Variants in BTBD9 observed in about 807,000 individuals in gnomAD.
The protein encoded by BTBD9 is BTB domain containing 9, also known as BTB/POZ domain-containing protein 9.
A neutral mutation model predicts 64.3 loss-of-function variants in BTBD9; 49 were observed. The ratio of observed to expected loss-of-function variants is 0.76; its 90% confidence interval spans 0.61 to 0.97. The LOEUF (loss-of-function observed/expected upper bound fraction) is 0.97, where lower values mean the gene tolerates loss of function less well. BTBD9 is among the 50% of genes least tolerant of loss of function. The probability of loss-of-function intolerance (pLI) is 0.00; values close to 1 mark genes in which losing one functional copy is unlikely to be tolerated. For synonymous variants in BTBD9, 260 were observed against 274.7 expected (o/e 0.95, Z 0.53); for missense variants, 598 against 762.1 (o/e 0.78, Z 2.53).
chr6:38,551,233 G>A (rs574324104), intron 6 of BTBD9, among the ~76,000 whole-genome samples: 12 of 152,252 alleles, frequency 7.9e-5, no homozygotes, highest in African/African-American at 2.4e-4. Context: ...ACAATACTCA[G>A]GTTATTCAGA....
intron 6 of BTBD9, among the ~76,000 whole-genome samples, chr6:38,361,639 G>A (rs962494389): frequency 6.6e-6 from 1 of 152,002 alleles, no homozygotes; most frequent in Admixed American, 6.6e-5. Flanking sequence ...TCAGGAGTTC[G>A]AGACCAGCCT....
At chr6:38,610,976 A>G (rs1404150226) in intron 1 of BTBD9, among the ~76,000 whole-genome samples, 1 of 152,112 alleles carries the variant, frequency 6.6e-6, no homozygotes, top group East Asian at 1.9e-4. Context: ...CAGTGCATCT[A>G]TACAATATAG....
rs551635619 is a variant in BTBD9, at chr6:38,346,500, C to T, written c.1155-1407G>A. On this transcript the variant is annotated intron_variant, in intron 6 of 10. Coordinates refer to ENST00000481247, the MANE Select transcript of BTBD9 (RefSeq NM_001099272.2). The stretch of plus-strand genomic sequence containing the variant: ...TACTGCAAGGAGACACCACTCTTCC[C>T]GTGTTGAGAATCAGGGCAACTGCTA... 1.0e-3 allele frequency among the ~76,000 whole-genome samples: 158 copies of T among 152,046 alleles called. 1 individual carries two copies. The highest frequency in any genetic ancestry group is 3.6e-3 in the African/African-American group (151 of 41,456).
Position 38,407,964 on chromosome 6 carries a change from TA to T in BTBD9, c.1155-62872del, listed in dbSNP as rs1474718895. Among the ~76,000 whole-genome samples the T allele has an allele frequency of 6.6e-5, 10 of 152,326 alleles. No homozygotes were observed. The East Asian group carries it at 1.7e-3, about 26-fold the overall frequency. ...GCTGTTTTTGCTTTCTTTTTGGAGA[TA>T]ATTTATTTTTCCTAAAAAAGGAATC... On this transcript the variant is annotated intron_variant, in intron 6 of 10. Coordinates refer to ENST00000481247, the MANE Select transcript of BTBD9 (RefSeq NM_001099272.2).
chr6:38,596,444 G>C (rs1777032595), intron 2 of BTBD9, among the ~76,000 whole-genome samples: 2 of 152,132 alleles, frequency 1.3e-5, no homozygotes, highest in Non-Finnish European at 2.9e-5. Context: ...ATTTTTGAAA[G>C]AGGACAAGGT....
intron 6 of BTBD9, among the ~76,000 whole-genome samples, chr6:38,427,824 C>T (rs147256561): frequency 1.3e-5 from 2 of 151,980 alleles, no homozygotes; most frequent in East Asian, 3.9e-4. Flanking sequence ...AGCACAATAA[C>T]GATGAGGTAT....
intron 10 of BTBD9, 69 bp from the exon 11 acceptor site, chr6:38,175,251 G>T: frequency 2.6e-6 from 4 of 1,535,584 alleles, no homozygotes; most frequent in Non-Finnish European, 3.6e-6. Context: ...GCCGCAAGTT[G>T]GGATACTGCC....
intron 8 of BTBD9, among the ~76,000 whole-genome samples, chr6:38,264,370 A>G (rs534126271): frequency 1.3e-5 from 2 of 152,202 alleles, no homozygotes; most frequent in African/African-American, 4.8e-5. Flanking sequence ...ACTGGAGGTC[A>G]TGATGCAAAG....
intron 1 of BTBD9, among the ~76,000 whole-genome samples, chr6:38,638,112 A>G (rs979160786): frequency 6.6e-6 from 1 of 152,170 alleles, no homozygotes; most frequent in Non-Finnish European, 1.5e-5. Context: ...ACAAATTTTA[A>G]CTTCTTTCAG....
At chr6:38,344,743 T>A (rs1296398128) in intron 7 of BTBD9, among the ~76,000 whole-genome samples, 4 of 152,242 alleles carry the variant, frequency 2.6e-5, no homozygotes, top group Non-Finnish European at 5.9e-5. Flanking sequence ...CTGAATGAAT[T>A]ACTAAAATAT....
At chr6:38,538,736 T>C (rs191617487) in intron 6 of BTBD9, among the ~76,000 whole-genome samples, 1 of 151,882 alleles carries the variant, frequency 6.6e-6, no homozygotes, top group African/African-American at 2.4e-5. Flanking sequence ...GTCTCCAGAG[T>C]AGCTGGGACT....
intron 6 of BTBD9, among the ~76,000 whole-genome samples, chr6:38,507,937 C>T (rs1772609625): frequency 6.6e-6 from 1 of 151,584 alleles, no homozygotes; most frequent in Non-Finnish European, 1.5e-5. Context: ...AGGTTCACGC[C>T]ATTCTCCTAC....
At chr6:38,616,726 A>G (rs1018847622) in intron 1 of BTBD9, among the ~76,000 whole-genome samples, 3 of 152,188 alleles carry the variant, frequency 2.0e-5, no homozygotes, top group African/African-American at 7.2e-5. Flanking sequence ...GGGAGGGGAC[A>G]ATAAAGGAAT....
rs149344047 is a variant in BTBD9, at chr6:38,525,317, T to C, written c.1154+52283A>G. On this transcript the variant is annotated intron_variant, in intron 6 of 10. Transcript: ENST00000481247. ...CCTGCTTCCCCTTCTGCCATGATTGTAAGTTTCCTGAGGCCTCCCCAGCCA... is the reference window on the plus strand; with the variant it reads ...CCTGCTTCCCCTTCTGCCATGATTGCAAGTTTCCTGAGGCCTCCCCAGCCA... Among the ~76,000 whole-genome samples, 52 of 152,328 alleles carry C rather than the reference T, an allele frequency of 3.4e-4. No individual in the cohort carries two copies. In the East Asian group the frequency reaches 8.7e-3, roughly 25 times the overall value.
chr6:38,341,066 T>A (rs1375907812), intron 7 of BTBD9, among the ~76,000 whole-genome samples: 2 of 152,046 alleles, frequency 1.3e-5, no homozygotes, highest in African/African-American at 4.8e-5. Context: ...AATAAATAAT[T>A]AGAGAAAAAC....
chr6:38,432,652 G>C (rs956566358), intron 6 of BTBD9, among the ~76,000 whole-genome samples: 1 of 151,790 alleles, frequency 6.6e-6, no homozygotes. Flanking sequence ...TCAGACTTTT[G>C]CATTCTGGCA....
intron 6 of BTBD9, among the ~76,000 whole-genome samples, chr6:38,563,816 CT>C (rs1006199669): frequency 7.6e-6 from 1 of 131,510 alleles, no homozygotes; most frequent in Admixed American, 8.8e-5. Flanking sequence ...GAGTCCTGCT[CT>C]GTTGCCCAGG....
chr6:38,184,688 G>A lies in BTBD9; in HGVS notation c.1641+7831C>T, dbSNP rs1761738833. Among the ~76,000 whole-genome samples the A allele has an allele frequency of 6.6e-6, 1 of 152,166 alleles. No homozygotes were observed. Among genetic ancestry groups the A allele is most frequent in the Admixed American group, 6.5e-5 (1 of 15,282 alleles). On this transcript the variant is annotated intron_variant, in intron 10 of 10. Coordinates refer to ENST00000481247, the MANE Select transcript of BTBD9 (RefSeq NM_001099272.2). This position sits in a 1 kb window ranked among gnomAD's most constrained non-coding sequence, Gnocchi z 4.4. ...GATGCTGCCGGGGAAATCCTCGGGG[G>A]GCCAGAGAGAGTGGAATCAGACCTG...
chr6:38,629,880 G>A (rs948746370), intron 1 of BTBD9, among the ~76,000 whole-genome samples: 1 of 151,794 alleles, frequency 6.6e-6, no homozygotes, highest in East Asian at 1.9e-4. Context: ...TAATGTCAGT[G>A]TTATAAAGAC....
Sources: gnomAD v4.1 joint callset for allele counts (sites outside exome capture counted in the v4.1 genomes callset) on GRCh38, gnomAD v4.1.1 for gene constraint, Gnocchi (gnomAD v3.1) non-coding constraint, MANE v1.5 for transcripts, NCBI Gene and HGNC (gene_info 2026-07-23, HGNC 2026-07-21) for gene names.